The following CYSTM1 variants were observed in gnomAD, a reference collection of about 807,000 sequenced individuals.
CYSTM1 encodes cysteine rich transmembrane module containing 1.
CYSTM1 carries 4 observed loss-of-function variants against 13.1 expected under a neutral mutation model. The observed-to-expected ratio is 0.31, with a 90% CI of 0.15 to 0.70. The LOEUF is 0.70. Among genes scored for constraint, CYSTM1 ranks in the 30% least tolerant of loss-of-function variants. The probability of loss-of-function intolerance (pLI) is 0.72; values close to 1 mark genes in which losing one functional copy is unlikely to be tolerated. For synonymous variants in CYSTM1, 36 were observed against 42.7 expected (o/e 0.84, Z 0.62); for missense variants, 96 against 121.6 (o/e 0.79, Z 0.99).
intron 2 of CYSTM1, among the ~76,000 whole-genome samples, chr5:140,237,992 G>A (rs531046131): frequency 3.9e-4 from 60 of 152,256 alleles, no homozygotes; most frequent in African/African-American, 1.3e-3. Context: ...GTAAACGCCC[G>A]CACCTGTCTG....
intron 2 of CYSTM1, among the ~76,000 whole-genome samples, chr5:140,237,146 GAC>G (rs1764691811): frequency 6.6e-6 from 1 of 152,194 alleles, no homozygotes; most frequent in South Asian, 2.1e-4. Flanking sequence ...TGTGACTGTG[GAC>G]AGAGTTCACT....
In CYSTM1 at chr5:140,219,825, G is replaced by A. The variant is rs1040006716; in HGVS notation, c.188-23480G>A. Among the ~76,000 whole-genome samples, 3 of 152,176 alleles carry A rather than the reference G, an allele frequency of 2.0e-5. No homozygotes were observed. The highest frequency in any genetic ancestry group is 3.2e-3 in the Middle Eastern group (1 of 316). Reference sequence around the variant, plus strand: ...TGGGCCAGCACTCAATGTGAATCAGGCTAACATTGACGATAACAGAGTAGT... The same window carrying A: ...TGGGCCAGCACTCAATGTGAATCAGACTAACATTGACGATAACAGAGTAGT... On this transcript the variant is annotated intron_variant, in intron 2 of 2. Coordinates refer to ENST00000261811, the MANE Select transcript of CYSTM1 (RefSeq NM_032412.4). This position sits in a 1 kb window ranked among gnomAD's most constrained non-coding sequence, Gnocchi z 4.1.
chr5:140,189,336 CT>C (rs1217054899), intron 1 of CYSTM1, among the ~76,000 whole-genome samples: 1 of 151,648 alleles, frequency 6.6e-6, no homozygotes, highest in African/African-American at 2.4e-5. Context: ...CTCTTGCCCC[CT>C]CTCTCATCAT....
intron 2 of CYSTM1, among the ~76,000 whole-genome samples, chr5:140,232,085 G>A (rs140096413): frequency 1.3e-5 from 2 of 152,332 alleles, no homozygotes; most frequent in Non-Finnish European, 2.9e-5. Flanking sequence ...TGGACATTGA[G>A]GAAGAAGGTA....
intron 2 of CYSTM1, among the ~76,000 whole-genome samples, chr5:140,233,056 A>G (rs1250797660): frequency 6.6e-6 from 1 of 152,174 alleles, no homozygotes; most frequent in African/African-American, 2.4e-5. Flanking sequence ...GCTAATATAC[A>G]TCTTTTGAAA....
chr5:140,176,285 TTATGAAATAC>T (rs1361478231), intron 1 of CYSTM1, among the ~76,000 whole-genome samples: 1 of 152,208 alleles, frequency 6.6e-6, no homozygotes, highest in Non-Finnish European at 1.5e-5. Flanking sequence ...CAAACCCTGC[TTATGAAATAC>T]TTGTAACCGA....
chr5:140,235,210 T>C (rs4913077), intron 2 of CYSTM1, among the ~76,000 whole-genome samples: 72,985 of 151,634 alleles, frequency 0.48, 17,767 homozygotes, highest in South Asian at 0.71. Context: ...TCAGGTTATC[T>C]GTCTGCCTCA....
At chr5:140,215,192 G>A (rs1764412446) in intron 2 of CYSTM1, among the ~76,000 whole-genome samples, 1 of 152,218 alleles carries the variant, frequency 6.6e-6, no homozygotes. Flanking sequence ...TATACTAGTA[G>A]AATTTGGTGC....
chr5:140,212,396 G>A (rs546077772), intron 2 of CYSTM1, among the ~76,000 whole-genome samples: 1 of 152,262 alleles, frequency 6.6e-6, no homozygotes, highest in East Asian at 1.9e-4. Context: ...CGAACCTACT[G>A]CGCTGCCAGC....
chr5:140,238,159 T>C (rs1764705868), intron 2 of CYSTM1, among the ~76,000 whole-genome samples: 1 of 152,096 alleles, frequency 6.6e-6, no homozygotes, highest in African/African-American at 2.4e-5. Context: ...GAGCTGAAGC[T>C]GCAGGAAAAG....
In CYSTM1 at chr5:140,217,208, C is replaced by T. The variant is rs116174410; in HGVS notation, c.187+22556C>T. ...TGGAGAATTTTAGAGACAGAGACAGCGCAAGATTATATTGTGAGTTCTTAA... is the reference window on the plus strand; with the variant it reads ...TGGAGAATTTTAGAGACAGAGACAGTGCAAGATTATATTGTGAGTTCTTAA... On this transcript the variant is annotated intron_variant, in intron 2 of 2. Coordinates refer to ENST00000261811, the MANE Select transcript of CYSTM1 (RefSeq NM_032412.4). Among the ~76,000 whole-genome samples the T allele has an allele frequency of 9.2e-3, 1,405 of 152,160 alleles. 24 individuals are homozygous for T. The highest frequency in any genetic ancestry group is 0.032 in the African/African-American group (1,348 of 41,486).
At chr5:140,213,483 TG>T (rs1424609826) in intron 2 of CYSTM1, among the ~76,000 whole-genome samples, 16 of 152,182 alleles carry the variant, frequency 1.1e-4, no homozygotes. Context: ...CCTAAGTGTA[TG>T]GCAGATAGTG....
At chr5:140,226,338 C>T (rs1764548726) in intron 2 of CYSTM1, among the ~76,000 whole-genome samples, 1 of 150,106 alleles carries the variant, frequency 6.7e-6, no homozygotes, top group Non-Finnish European at 1.5e-5. Flanking sequence ...TATTAAAATT[C>T]CTATTCTGGG....
intron 2 of CYSTM1, among the ~76,000 whole-genome samples, chr5:140,235,853 C>G (rs1195941608): frequency 6.6e-6 from 1 of 152,246 alleles, no homozygotes; most frequent in Non-Finnish European, 1.5e-5. Context: ...TTACAAGACT[C>G]TAGCAGAAGA....
At chr5:140,178,187 TCA>T (rs1763915679) in intron 1 of CYSTM1, among the ~76,000 whole-genome samples, 1 of 152,110 alleles carries the variant, frequency 6.6e-6, no homozygotes, top group East Asian at 1.9e-4. Flanking sequence ...CATTTTGAGC[TCA>T]CATTTGTCAA....
intron 2 of CYSTM1, among the ~76,000 whole-genome samples, chr5:140,195,494 T>G (rs1259102695): frequency 1.4e-5 from 2 of 143,254 alleles, no homozygotes; most frequent in Non-Finnish European, 3.0e-5. Flanking sequence ...CAGGCTGAAG[T>G]GCAGTGGCGC....
At chr5:140,183,453 G>T (rs1038037628) in intron 1 of CYSTM1, among the ~76,000 whole-genome samples, 17 of 152,088 alleles carry the variant, frequency 1.1e-4, no homozygotes, top group Admixed American at 2.6e-4. Flanking sequence ...CAATTATAAT[G>T]CTGTCCTATA....
chr5:140,175,499 C>G lies in CYSTM1; in HGVS notation c.-21+214C>G, dbSNP rs1481242802. 2.0e-5 allele frequency among the ~76,000 whole-genome samples: 3 copies of G among 151,226 alleles called. No homozygotes were observed. Among genetic ancestry groups the G allele is most frequent in the Non-Finnish European group, 4.4e-5 (3 of 67,766 alleles). ...CTGGATCCCTCCCGGCGCCCCGCGG[C>G]TACTCTGGGGCTCCTGGTCGCCGCG... On this transcript the variant is annotated intron_variant, in intron 1 of 2. Transcript: ENST00000261811. The surrounding 1 kb of genome is among the most constrained non-coding windows in gnomAD (Gnocchi z 4.9).
At chr5:140,188,111 T>A (rs10037298) in intron 1 of CYSTM1, among the ~76,000 whole-genome samples, 3 of 150,100 alleles carry the variant, frequency 2.0e-5, no homozygotes, top group African/African-American at 7.4e-5. Context: ...TTTCTTGTTC[T>A]GTTGCCCAGA....
Sources: allele counts gnomAD v4.1 joint callset (sites outside exome capture counted in the v4.1 genomes callset), GRCh38; gene constraint gnomAD v4.1.1; non-coding constraint Gnocchi (gnomAD v3.1); transcripts MANE v1.5; gene names NCBI Gene and HGNC (gene_info 2026-07-23, HGNC 2026-07-21).